The following ARHGEF26 variants were observed in gnomAD, a reference collection of about 807,000 sequenced individuals.
ARHGEF26 encodes the protein Rho guanine nucleotide exchange factor 26.
A neutral mutation model predicts 89.4 loss-of-function variants in ARHGEF26; 59 were observed. That is an observed-to-expected ratio of 0.66 (90% CI 0.54 to 0.82). ARHGEF26 has a LOEUF of 0.82. Ranked by LOEUF, ARHGEF26 falls within the 40% of genes least tolerant of loss-of-function variation. The pLI is 0.00. For synonymous variants in ARHGEF26, 500 were observed against 428.4 expected (o/e 1.17, Z -2.06); for missense variants, 1,234 against 1,085.6 (o/e 1.14, Z -1.92).
At chr3:154,226,221 C>G (rs1716480338) in intron 11 of ARHGEF26, among the ~76,000 whole-genome samples, 1 of 152,130 alleles carries the variant, frequency 6.6e-6, no homozygotes, top group Non-Finnish European at 1.5e-5. Flanking sequence ...TCTTGCCAAC[C>G]TCTATTGAGC....
intron 12 of ARHGEF26, among the ~76,000 whole-genome samples, chr3:154,246,463 G>A (rs1358123721): frequency 6.6e-6 from 1 of 152,146 alleles, no homozygotes; most frequent in South Asian, 2.1e-4. Context: ...GAAGCAGTTT[G>A]ACATTTCTGA....
At chr3:154,192,025 C>T (rs1427564335) in intron 8 of ARHGEF26, among the ~76,000 whole-genome samples, 5 of 152,126 alleles carry the variant, frequency 3.3e-5, no homozygotes, top group African/African-American at 1.2e-4. Flanking sequence ...TAGAGTCTGC[C>T]TAGTAGTACG....
chr3:154,184,403 C>A (rs1713389822), intron 6 of ARHGEF26, among the ~76,000 whole-genome samples: 1 of 152,170 alleles, frequency 6.6e-6, no homozygotes, highest in Non-Finnish European at 1.5e-5. Context: ...ACCTAGAATT[C>A]CAGTTCCTCT....
chr3:154,246,666 C>T (rs886365484), intron 12 of ARHGEF26, among the ~76,000 whole-genome samples: 1 of 152,144 alleles, frequency 6.6e-6, no homozygotes, highest in Non-Finnish European at 1.5e-5. Flanking sequence ...ACAGAAGTTT[C>T]AGTGGGGCAA....
chr3:154,140,789 C>A (rs971463690), intron 4 of ARHGEF26, among the ~76,000 whole-genome samples: 4 of 151,964 alleles, frequency 2.6e-5, no homozygotes, highest in African/African-American at 7.3e-5. Flanking sequence ...TTATGTTGGT[C>A]AGGCTGGTCT....
chr3:154,148,329 G>A (rs902806210), intron 4 of ARHGEF26, among the ~76,000 whole-genome samples: 1 of 152,168 alleles, frequency 6.6e-6, no homozygotes, highest in South Asian at 2.1e-4. Flanking sequence ...CTTACTGATG[G>A]CTTGTTAAAG....
chr3:154,185,728 T>C (rs1713485750), intron 6 of ARHGEF26, among the ~76,000 whole-genome samples: 1 of 152,204 alleles, frequency 6.6e-6, no homozygotes, highest in Non-Finnish European at 1.5e-5. Context: ...TCTCTTCTTA[T>C]GACTGGAGAT....
At chr3:154,235,059 CTTTT>C (rs923225869) in intron 11 of ARHGEF26, among the ~76,000 whole-genome samples, 1 of 149,898 alleles carries the variant, frequency 6.7e-6, no homozygotes, top group Non-Finnish European at 1.5e-5. Context: ...CTAGTTTATT[CTTTT>C]TTTTTTCCAC....
chr3:154,153,837 G>C (rs116673209), intron 6 of ARHGEF26, among the ~76,000 whole-genome samples: 4,844 of 151,910 alleles, frequency 0.032, 99 homozygotes, highest in Non-Finnish European at 0.046. Flanking sequence ...ACACTGTTCT[G>C]CTCCTTACTT....
At position 154,205,801 on chromosome 3, in the gene ARHGEF26, AT is replaced by A. The variant is rs1714983291; in HGVS notation, c.1845+11084del. On this transcript the variant is annotated intron_variant, in intron 9 of 14. Transcript: ENST00000465093. The stretch of plus-strand genomic sequence containing the variant: ...CCTTAACTTTGTACCCCCACTTTTA[AT>A]CATTTTGTTGTTTCTGTTTATATCT... Among the ~76,000 whole-genome samples the A allele has an allele frequency of 2.0e-5, 3 of 152,098 alleles. No homozygotes were observed. The South Asian group carries it at 6.2e-4, about 32-fold the overall frequency.
At chr3:154,252,822 A>G (rs1457708634) in intron 12 of ARHGEF26, among the ~76,000 whole-genome samples, 1 of 152,230 alleles carries the variant, frequency 6.6e-6, no homozygotes, top group Admixed American at 6.5e-5. Context: ...TTTTGGAGTT[A>G]TAATGTGTTC....
chr3:154,244,920 C>T (rs1019386325), intron 12 of ARHGEF26, among the ~76,000 whole-genome samples: 1 of 150,128 alleles, frequency 6.7e-6, no homozygotes, highest in African/African-American at 2.5e-5. Context: ...CTTTGCTGCT[C>T]AGTTTGGCTT....
chr3:154,225,930 G>A lies in ARHGEF26; in HGVS notation c.2010G>A (p.Val670=), dbSNP rs186033734. Reference sequence around the variant, plus strand: ...TGACAGCCTATGTTGAAGACACTGTGCTTTTCTCAAGAAGGACATCCAAAC... The same window carrying A: ...TGACAGCCTATGTTGAAGACACTGTACTTTTCTCAAGAAGGACATCCAAAC... The part of the protein sequence containing the change: ...GELTAYVEDT[V]LFSRRTSKQQ... Residue 670 remains valine (V), a synonymous_variant, in exon 11 of 15, where the codon GTG becomes GTA. Transcript: ENST00000465093. 41 of 1,612,394 alleles carry A rather than the reference G, an allele frequency of 2.5e-5. No homozygotes were observed. In the African/African-American group the frequency reaches 4.4e-4, roughly 17 times the overall value.
At chr3:154,249,950 C>G (rs1718030226) in intron 12 of ARHGEF26, among the ~76,000 whole-genome samples, 1 of 152,132 alleles carries the variant, frequency 6.6e-6, no homozygotes, top group Non-Finnish European at 1.5e-5. Flanking sequence ...TTTTTCCTGT[C>G]CCTAGAATCC....
chr3:154,210,408 C>A (rs1189910009), intron 9 of ARHGEF26, among the ~76,000 whole-genome samples: 1 of 151,996 alleles, frequency 6.6e-6, no homozygotes, highest in Non-Finnish European at 1.5e-5. Flanking sequence ...CAGCAGGTTC[C>A]CTTCTGGCGA....
chr3:154,221,501 T>C (rs544577043), intron 10 of ARHGEF26, among the ~76,000 whole-genome samples: 1 of 152,328 alleles, frequency 6.6e-6, no homozygotes, highest in South Asian at 2.1e-4. Flanking sequence ...CTCATGAATG[T>C]ATAAAATTAA....
At chr3:154,209,887 C>T (rs997941529) in intron 9 of ARHGEF26, among the ~76,000 whole-genome samples, 5 of 152,160 alleles carry the variant, frequency 3.3e-5, no homozygotes, top group African/African-American at 4.8e-5. Context: ...CGTTCACAAA[C>T]GGTCTAAAGT....
intron 3 of ARHGEF26, among the ~76,000 whole-genome samples, chr3:154,125,195 A>G (rs571411692): frequency 1.3e-5 from 2 of 152,308 alleles, no homozygotes; most frequent in East Asian, 1.9e-4. Context: ...TCAAAGAATA[A>G]TAAAGAAGGG....
chr3:154,241,998 A>C (rs1317782637), intron 12 of ARHGEF26, among the ~76,000 whole-genome samples: 1 of 152,208 alleles, frequency 6.6e-6, no homozygotes, highest in Non-Finnish European at 1.5e-5. Context: ...CCAAGCCAAG[A>C]ATCTTTGTCA....
Sources: gnomAD v4.1 joint callset for allele counts (sites outside exome capture counted in the v4.1 genomes callset) on GRCh38, gnomAD v4.1.1 for gene constraint, MANE v1.5 for transcripts, NCBI Gene and HGNC (gene_info 2026-07-23, HGNC 2026-07-21) for gene names.